The following RAPGEF2 variants were observed in gnomAD, a reference collection of about 807,000 sequenced individuals.
RAPGEF2 encodes Rap guanine nucleotide exchange factor 2, also known as PDZ domain containing guanine nucleotide exchange factor (GEF) 1.
A neutral mutation model predicts 186.7 loss-of-function variants in RAPGEF2; 54 were observed. The observed-to-expected ratio is 0.29, with a 90% CI of 0.23 to 0.36. The LOEUF (loss-of-function observed/expected upper bound fraction) is 0.36, where lower values mean the gene tolerates loss of function less well. Ranked by LOEUF, RAPGEF2 falls within the 10% of genes least tolerant of loss-of-function variation. The probability of loss-of-function intolerance (pLI) is 1.00; values close to 1 mark genes in which losing one functional copy is unlikely to be tolerated. For missense variants in RAPGEF2, 1,532 were observed against 2,045.0 expected (o/e 0.75, Z 4.84); for synonymous variants, 712 against 705.9 (o/e 1.01, Z -0.14).
At chr4:159,129,114 G>A (rs2111122835) in intron 1 of RAPGEF2, among the ~76,000 whole-genome samples, 1 of 151,646 alleles carries the variant, frequency 6.6e-6, no homozygotes, top group East Asian at 2.0e-4. Flanking sequence ...TAGACATGGA[G>A]GCAGAAACTT....
chr4:159,344,231 CT>C (rs1292104415), intron 23 of RAPGEF2, among the ~76,000 whole-genome samples, 172 bp downstream of exon 23: 2 of 152,118 alleles, frequency 1.3e-5, no homozygotes, highest in African/African-American at 4.8e-5. Flanking sequence ...TCTGTTGGGG[CT>C]TTTGCTTTTG....
chr4:159,261,358 A>G (rs1440493597), intron 7 of RAPGEF2, among the ~76,000 whole-genome samples: 2 of 152,140 alleles, frequency 1.3e-5, no homozygotes, highest in Non-Finnish European at 2.9e-5. Flanking sequence ...CACCGCATCC[A>G]GCTGAAAAAG....
In RAPGEF2 at chr4:159,193,247, T is replaced by C; in HGVS notation, c.188T>C (p.Val63Ala). The change falls in exon 3 of 30, where the codon GTT (valine) becomes GCT (alanine). Residue 63 changes from valine to alanine, a missense_variant. Around this residue, in one of 4 missense-constraint regions of RAPGEF2, gnomAD observed 810 missense variants for 1,210.5 expected, o/e 0.67. Coordinates refer to ENST00000691494, the MANE Select transcript of RAPGEF2 (RefSeq NM_001394067.2). ...VRYERHEANE[V>A]LYYPDDIGTC... ...TATGAGAGACACGAAGCAAATGAAG[T>C]TTTATACTAGTAGGTGTTTCCTTTT... is the stretch of plus-strand genomic sequence containing the variant. 6.7e-7 allele frequency: 1 copy of C among 1,497,344 alleles called. No individual in the cohort carries two copies. Among genetic ancestry groups the C allele is most frequent in the Non-Finnish European group, 8.9e-7 (1 of 1,126,840 alleles). The allele number at this position is 1,497,344 out of a possible 1,614,324, so 92.8% of individuals were successfully genotyped here.
At chr4:159,111,752 GAATCAT>G (rs1445093327) in intron 1 of RAPGEF2, among the ~76,000 whole-genome samples, 2 of 152,114 alleles carry the variant, frequency 1.3e-5, no homozygotes, top group African/African-American at 2.4e-5. Flanking sequence ...GTCTTCAGTG[GAATCAT>G]TATCTTTCTT....
At position 159,344,055 on chromosome 4, in the gene RAPGEF2, T is replaced by C. The variant is rs1216926695; in HGVS notation, c.3274T>C (p.Leu1092=). Residue 1092 remains leucine, a synonymous_variant, in exon 23 of 30, where the codon TTG becomes CTG. Coordinates refer to ENST00000691494, the MANE Select transcript of RAPGEF2 (RefSeq NM_001394067.2). ...FRTRKKKWRS[L]GSLSQGSTNA... Reference sequence around the variant, plus strand: ...TTACAGGAAGAAGAAATGGCGGAGTTTGGGGTAAGTGGTGGAGACCTTGCA... The same window carrying C: ...TTACAGGAAGAAGAAATGGCGGAGTCTGGGGTAAGTGGTGGAGACCTTGCA... 14 of 1,535,096 alleles carry C rather than the reference T, an allele frequency of 9.1e-6. No individual in the cohort carries two copies. The highest frequency in any genetic ancestry group is 1.3e-5 in the Non-Finnish European group (14 of 1,108,302).
chr4:159,295,117 A>G (rs1761775053), intron 7 of RAPGEF2, among the ~76,000 whole-genome samples: 1 of 152,202 alleles, frequency 6.6e-6, no homozygotes, highest in Admixed American at 6.5e-5. Flanking sequence ...CCTCGCCCCA[A>G]AGCTATCGCA....
intron 1 of RAPGEF2, among the ~76,000 whole-genome samples, chr4:159,118,456 A>G (rs888351363): frequency 4.6e-5 from 7 of 152,196 alleles, no homozygotes; most frequent in Non-Finnish European, 8.8e-5. Flanking sequence ...TGAAGTACAC[A>G]ATAAATGTAA....
intron 26 of RAPGEF2, chr4:159,351,135 T>C: frequency 6.5e-7 from 1 of 1,535,494 alleles, no homozygotes; most frequent in South Asian, 1.2e-5. Context: ...CTCTTGGAAG[T>C]GAGAACAGTA....
In RAPGEF2 at chr4:159,331,852, CATTT is replaced by C; in HGVS notation, c.1779+21_1779+24del. ...GGATCAGGTATGCCATTTCTAAACT[CATTT>C]AAGGGTGAATTTTGGTGTCTGGTTT... On this transcript the variant is annotated intron_variant, in intron 15 of 29. Transcript: ENST00000691494. The C allele has an allele frequency of 6.2e-7, 1 of 1,606,320 alleles. No individual in the cohort carries two copies. The highest frequency in any genetic ancestry group is 8.5e-7 in the Non-Finnish European group (1 of 1,177,834).
chr4:159,161,363 A>T (rs1744684982), intron 1 of RAPGEF2, among the ~76,000 whole-genome samples: 1 of 152,216 alleles, frequency 6.6e-6, no homozygotes, highest in Non-Finnish European at 1.5e-5. Context: ...CATAAACAAT[A>T]TGTAGTTTCC....
chr4:159,303,589 G>A (rs1361038000), intron 7 of RAPGEF2, among the ~76,000 whole-genome samples: 2 of 151,356 alleles, frequency 1.3e-5, no homozygotes, highest in African/African-American at 4.9e-5. Flanking sequence ...CTCACTTGAC[G>A]AGGGCATAAT....
chr4:159,356,901 A>G (rs1384037833), intron 29 of RAPGEF2, among the ~76,000 whole-genome samples: 1 of 152,212 alleles, frequency 6.6e-6, no homozygotes, highest in Non-Finnish European at 1.5e-5. Context: ...ACTCTGTCTC[A>G]AAAAAAGGAA....
chr4:159,323,684 T>A, intron 11 of RAPGEF2, 67 bp downstream of exon 11: 1 of 1,008,750 alleles, frequency 9.9e-7, no homozygotes, highest in Non-Finnish European at 1.3e-6. Context: ...GCCATTGTGA[T>A]GAGATTTTTC....
chr4:159,195,075 C>T (rs1748496910), intron 3 of RAPGEF2, among the ~76,000 whole-genome samples: 1 of 152,078 alleles, frequency 6.6e-6, no homozygotes, highest in Non-Finnish European at 1.5e-5. Context: ...GAAACTATGA[C>T]GTCTGGGACC....
At chr4:159,237,148 G>A (rs1579555375) in intron 4 of RAPGEF2, among the ~76,000 whole-genome samples, 1 of 152,016 alleles carries the variant, frequency 6.6e-6, no homozygotes, top group Non-Finnish European at 1.5e-5. Context: ...AACTTCCTGA[G>A]TAGCTGGGAC....
Position 159,333,069 on chromosome 4 carries a change from G to T in RAPGEF2, c.2135+372G>T, listed in dbSNP as rs895203489. 3.3e-5 allele frequency among the ~76,000 whole-genome samples: 5 copies of T among 151,802 alleles called. No homozygotes were observed. In the South Asian group the frequency reaches 8.3e-4, roughly 25 times the overall value. ...ATCTCGGCTCACTGCAACCTGTGCC[G>T]CCCAGGTTCAAGTGATTCTCCTGCT... On this transcript the variant is annotated intron_variant, in intron 17 of 29. Transcript: ENST00000691494.
chr4:159,202,416 T>C (rs1749532784), intron 3 of RAPGEF2, among the ~76,000 whole-genome samples: 1 of 152,194 alleles, frequency 6.6e-6, no homozygotes, highest in Admixed American at 6.5e-5. Flanking sequence ...TTTCTGTTTA[T>C]TGCTTCTCCA....
At chr4:159,286,041 C>CCACCACCAT (rs1760428975) in intron 7 of RAPGEF2, among the ~76,000 whole-genome samples, 1 of 117,428 alleles carries the variant, frequency 8.5e-6, no homozygotes, top group Non-Finnish European at 1.6e-5. Context: ...ACCACCACCA[C>CCACCACCAT]CACCACCACC....
chr4:159,190,740 A>G (rs561641035), intron 2 of RAPGEF2, among the ~76,000 whole-genome samples: 1 of 152,270 alleles, frequency 6.6e-6, no homozygotes, highest in African/African-American at 2.4e-5. Context: ...CCCCTTATAA[A>G]ACCATCAGAT....
Sources: gnomAD v4.1 joint callset for allele counts (sites outside exome capture counted in the v4.1 genomes callset) on GRCh38, gnomAD v4.1.1 for gene constraint, gnomAD v4.1.1 regional missense constraint, MANE v1.5 for transcripts, NCBI Gene and HGNC (gene_info 2026-07-23, HGNC 2026-07-21) for gene names.